DUSP29: variants seen among roughly 807,000 people sequenced by gnomAD.
DUSP29 encodes dual specificity phosphatase 29.
A neutral mutation model predicts 13.5 loss-of-function variants in DUSP29; 12 were observed. The ratio of observed to expected loss-of-function variants is 0.89; its 90% CI spans 0.57 to 1.44. The LOEUF is 1.44. Ranked by LOEUF, DUSP29 falls within the 40% of genes most tolerant of loss-of-function variation. The probability of loss-of-function intolerance (pLI) is 0.00; values close to 1 mark genes in which losing one functional copy is unlikely to be tolerated. For synonymous variants in DUSP29, 134 were observed against 128.7 expected (o/e 1.04, Z -0.28); for missense variants, 308 against 301.1 (o/e 1.02, Z -0.17).
In DUSP29 at chr10:75,073,568, C is replaced by T. The variant is rs1847382903; in HGVS notation, c.-35+1G>A. Among the ~76,000 whole-genome samples, 1 of 152,206 alleles carries T rather than the reference C, an allele frequency of 6.6e-6. No homozygotes were observed. Among genetic ancestry groups the T allele is most frequent in the African/African-American group, 2.4e-5 (1 of 41,466 alleles). ...CCGGCCTCCCCACCCAGCGGCCTTA[C>T]CTGGGTGTGCCGGGGCCTGGCCGCG... On this transcript the variant is annotated splice_donor_variant, in intron 1 of 3. Transcript: ENST00000338487. LOFTEE classifies it low-confidence loss of function (5UTR_SPLICE).
At chr10:75,069,735 C>T (rs1054546325) in intron 1 of DUSP29, among the ~76,000 whole-genome samples, 7 of 152,284 alleles carry the variant, frequency 4.6e-5, no homozygotes, top group Admixed American at 4.6e-4. Flanking sequence ...CAGTGATTAT[C>T]TACTCTCAAA....
Position 75,044,037 on chromosome 10 carries a change from A to C in DUSP29, c.201-20T>G. ...GTCGCCCTGGGCGCAGGGGAGAGAA[A>C]TCTGTGGGCGCGCGGCGCCCTGCCC... On this transcript the variant is annotated intron_variant, in intron 2 of 3. Transcript: ENST00000338487. 6.3e-7 allele frequency: 1 copy of C among 1,596,390 alleles called. No homozygotes were observed. Among genetic ancestry groups the C allele is most frequent in the South Asian group, 1.1e-5 (1 of 90,630 alleles).
At chr10:75,062,945 C>T (rs996948294) in intron 1 of DUSP29, among the ~76,000 whole-genome samples, 3 of 152,142 alleles carry the variant, frequency 2.0e-5, no homozygotes, top group South Asian at 2.1e-4. Context: ...ATGCTGTCTC[C>T]GAGACGACTT....
chr10:75,069,917 G>T (rs180990022), intron 1 of DUSP29, among the ~76,000 whole-genome samples: 17 of 151,912 alleles, frequency 1.1e-4, no homozygotes, highest in Non-Finnish European at 2.1e-4. Context: ...GGGCGTGGTG[G>T]TGTGTGCCTG....
chr10:75,058,407 A>C lies in DUSP29; in HGVS notation c.108T>G (p.Pro36=). The C allele has an allele frequency of 6.2e-7, 1 of 1,614,228 alleles. No individual in the cohort carries two copies. Among genetic ancestry groups the C allele is most frequent in the South Asian group, 1.1e-5 (1 of 91,092 alleles). Residue 36 remains proline (P), a synonymous_variant, in exon 2 of 4, where the codon CCT becomes CCG. Transcript: ENST00000338487. The stretch of plus-strand genomic sequence containing the variant: ...AGAGCCGCTCCAGCTCAAAGGCTCC[A>C]GGGGTGCAGTAGTCCTCCTCCTCCC... ...EEGEEEDYCT[P]GAFELERLFW...
Position 75,060,849 on chromosome 10 carries a change from G to A in DUSP29, c.-34-2301C>T, listed in dbSNP as rs139184269. 1.7e-3 allele frequency among the ~76,000 whole-genome samples: 262 copies of A among 152,270 alleles called. 1 individual carries two copies. Among genetic ancestry groups the A allele is most frequent in the South Asian group, 6.8e-3 (33 of 4,828 alleles). ...TATCAGCCGACTTGCTGGAGATTCCGAGGACAGTTACGTTATACCACAGGG... is the reference window on the plus strand; with the variant it reads ...TATCAGCCGACTTGCTGGAGATTCCAAGGACAGTTACGTTATACCACAGGG... On this transcript the variant is annotated intron_variant, in intron 1 of 3. Coordinates refer to ENST00000338487, the MANE Select transcript of DUSP29 (RefSeq NM_001003892.3).
chr10:75,039,904 G>T (rs1296235366), intron 3 of DUSP29, among the ~76,000 whole-genome samples: 2 of 152,210 alleles, frequency 1.3e-5, no homozygotes, highest in Non-Finnish European at 2.9e-5. Flanking sequence ...AATCGGCTGG[G>T]CGTGGTGGCT....
At chr10:75,056,759 TTTA>T (rs1306833908) in intron 2 of DUSP29, among the ~76,000 whole-genome samples, 1 of 152,160 alleles carries the variant, frequency 6.6e-6, no homozygotes, top group African/African-American at 2.4e-5. Context: ...TGCAAGTAAA[TTTA>T]ACACTGGTTA....
At chr10:75,068,541 C>A (rs1267233498) in intron 1 of DUSP29, among the ~76,000 whole-genome samples, 5 of 135,708 alleles carry the variant, frequency 3.7e-5, no homozygotes, top group Non-Finnish European at 4.9e-5. Context: ...AGATCCATTG[C>A]ATTTTCATGT....
chr10:75,040,514 ACTT>A (rs1278823971), intron 3 of DUSP29, among the ~76,000 whole-genome samples: 1 of 152,196 alleles, frequency 6.6e-6, no homozygotes, highest in African/African-American at 2.4e-5. Flanking sequence ...TTTTGTGAGT[ACTT>A]CTTTTTCTGA....
chr10:75,062,521 A>G (rs1259098869), intron 1 of DUSP29, among the ~76,000 whole-genome samples: 2 of 152,108 alleles, frequency 1.3e-5, no homozygotes, highest in East Asian at 1.9e-4. Flanking sequence ...GGTGCGGTCT[A>G]CCCCGAGGAG....
At chr10:75,062,596 G>A (rs775513792) in intron 1 of DUSP29, among the ~76,000 whole-genome samples, 1 of 152,194 alleles carries the variant, frequency 6.6e-6, no homozygotes, top group Non-Finnish European at 1.5e-5. Context: ...TGGGGAAAGA[G>A]AACAAAGTGT....
At chr10:75,042,637 T>G (rs960994678) in intron 3 of DUSP29, among the ~76,000 whole-genome samples, 1 of 152,244 alleles carries the variant, frequency 6.6e-6, no homozygotes, top group African/African-American at 2.4e-5. Flanking sequence ...AATGACAAAT[T>G]GTTGGTGGCT....
rs1237967523 is a variant in DUSP29, at chr10:75,043,982, G to A, written c.236C>T (p.Ala79Val). 2 of 1,612,386 alleles carry A rather than the reference G, an allele frequency of 1.2e-6. No homozygotes were observed. The highest frequency in any genetic ancestry group is 1.3e-5 in the African/African-American group (1 of 74,910). The change falls in exon 3 of 4, where the codon GCG becomes GTG. Residue 79 changes from alanine (A) to valine (V), a missense_variant. Physicochemically the swap from Ala to Val is moderately conservative, Grantham distance 64. Coordinates refer to ENST00000338487, the MANE Select transcript of DUSP29 (RefSeq NM_001003892.3). ...TALDRYRLQKAGFTHVLNAAH... is the reference protein window; with the variant it reads ...TALDRYRLQKVGFTHVLNAAH... The stretch of plus-strand genomic sequence containing the variant: ...CGCGTTCAGCACGTGCGTGAACCCC[G>A]CCTTCTGCAGCCTATAGCGGTCCAG...
At chr10:75,045,386 T>C (rs1846684870) in intron 2 of DUSP29, among the ~76,000 whole-genome samples, 1 of 143,778 alleles carries the variant, frequency 7.0e-6, no homozygotes, top group Non-Finnish European at 1.5e-5. Context: ...AAAGAACAGG[T>C]TAGTGAAGTT....
At chr10:75,041,320 G>A (rs920354288) in intron 3 of DUSP29, among the ~76,000 whole-genome samples, 2 of 152,194 alleles carry the variant, frequency 1.3e-5, no homozygotes, top group African/African-American at 4.8e-5. Flanking sequence ...GCTTTAGTCT[G>A]TCCTTTGCAG....
At chr10:75,070,072 AGG>A (rs1847294142) in intron 1 of DUSP29, among the ~76,000 whole-genome samples, 1 of 408 alleles carries the variant, frequency 2.5e-3, no homozygotes, top group African/African-American at 0.033. Flanking sequence ...GAAAGAAGAA[AGG>A]AAGGAAGGAA....
intron 2 of DUSP29, among the ~76,000 whole-genome samples, chr10:75,054,156 A>G (rs980813335): frequency 2.6e-5 from 4 of 152,232 alleles, no homozygotes; most frequent in African/African-American, 9.6e-5. Flanking sequence ...GGACTTGGAC[A>G]TGAGGTGCAG....
chr10:75,061,965 A>G (rs1214801196), intron 1 of DUSP29, among the ~76,000 whole-genome samples: 1 of 152,108 alleles, frequency 6.6e-6, no homozygotes, highest in Non-Finnish European at 1.5e-5. Flanking sequence ...GATTTGGAGG[A>G]GGGAGAAGGT....
Sources: gnomAD v4.1 joint callset for allele counts (sites outside exome capture counted in the v4.1 genomes callset) on GRCh38, gnomAD v4.1.1 for gene constraint, MANE v1.5 for transcripts, NCBI Gene and HGNC (gene_info 2026-07-23, HGNC 2026-07-21) for gene names.